Variants in SPAG16 observed in about 807,000 individuals in gnomAD.
SPAG16 encodes the protein sperm-associated antigen 16 protein.
In SPAG16, 86 loss-of-function variants were observed where a neutral mutation model predicts 80.4. The ratio of observed to expected loss-of-function variants is 1.07; its 90% CI spans 0.90 to 1.28. SPAG16 has a LOEUF of 1.28. Among genes scored for constraint, SPAG16 ranks in the 50% most tolerant of loss-of-function variants. The pLI is 0.00. For missense variants in SPAG16, 870 were observed against 765.3 expected, an observed-to-expected ratio of 1.14 and a Z score of -1.61; for synonymous variants, 294 against 265.9, an observed-to-expected ratio of 1.11 and a Z score of -1.03.
At position 213,745,258 on chromosome 2, in the gene SPAG16, T is replaced by C. The variant is rs2067764451; in HGVS notation, c.1071-117227T>C. Among the ~76,000 whole-genome samples, 4 of 152,326 alleles carry C rather than the reference T, an allele frequency of 2.6e-5. No individual in the cohort carries two copies. In the South Asian group the frequency reaches 8.3e-4, roughly 32 times the overall value. ...TATGTAGCTATTTATTTTTTTTCTT[T>C]TGAGATGAAGTTTTGTTCTTGTTGC... On this transcript the variant is annotated intron_variant, in intron 10 of 15. Transcript: ENST00000331683.
At chr2:213,788,960 A>G (rs530106714) in intron 10 of SPAG16, among the ~76,000 whole-genome samples, 1 of 151,984 alleles carries the variant, frequency 6.6e-6, no homozygotes, top group South Asian at 2.1e-4. Context: ...CTCTGTTTTT[A>G]TAGCATCATT....
intron 10 of SPAG16, among the ~76,000 whole-genome samples, chr2:213,840,316 G>A (rs1276013007): frequency 6.6e-6 from 1 of 152,138 alleles, no homozygotes; most frequent in Non-Finnish European, 1.5e-5. Context: ...ATACTGTTCA[G>A]TTAGCTGGAT....
chr2:214,139,743 C>T (rs762633094), intron 14 of SPAG16, among the ~76,000 whole-genome samples: 1 of 152,118 alleles, frequency 6.6e-6, no homozygotes, highest in Non-Finnish European at 1.5e-5. Flanking sequence ...GCCTACACGC[C>T]TTAACATCTT....
At position 213,992,319 on chromosome 2, in the gene SPAG16, C is replaced by G. The variant is rs1027257688; in HGVS notation, c.1401-21632C>G. On this transcript the variant is annotated intron_variant, in intron 12 of 15. Transcript: ENST00000331683. ...GAATTTGAATTTCCTAGACAGTACA[C>G]CTTAACTGTTTGCATTTATGGTCGT... Among the ~76,000 whole-genome samples, 8 of 152,074 alleles carry G rather than the reference C, an allele frequency of 5.3e-5. No individual in the cohort carries two copies. The East Asian group carries it at 5.8e-4, about 11-fold the overall frequency.
intron 13 of SPAG16, among the ~76,000 whole-genome samples, chr2:214,045,897 CA>C (rs2049294032): frequency 6.6e-6 from 1 of 151,666 alleles, no homozygotes; most frequent in African/African-American, 2.4e-5. Flanking sequence ...GAAAGGAATA[CA>C]AAAGATCAAT....
intron 14 of SPAG16, among the ~76,000 whole-genome samples, chr2:214,116,142 C>A (rs964863917): frequency 3.3e-5 from 5 of 152,202 alleles, no homozygotes; most frequent in African/African-American, 1.2e-4. Context: ...TGGCCTTAAA[C>A]CTGTGCCAAA....
intron 13 of SPAG16, among the ~76,000 whole-genome samples, chr2:214,021,852 A>G (rs1291722633): frequency 6.6e-6 from 1 of 152,168 alleles, no homozygotes; most frequent in African/African-American, 2.4e-5. Flanking sequence ...TATTAAATAC[A>G]TGATGTCCTA....
intron 10 of SPAG16, among the ~76,000 whole-genome samples, chr2:213,759,933 G>A (rs950891358): frequency 1.1e-4 from 17 of 152,058 alleles, no homozygotes; most frequent in African/African-American, 4.1e-4. Context: ...TACTCATGAG[G>A]CTGAGGGAGG....
rs111490594 is a variant in SPAG16 at position 213,579,026 on chromosome 2, C to T, written c.1070+88936C>T. On this transcript the variant is annotated intron_variant, in intron 10 of 15. Transcript: ENST00000331683. ...CATTGTTTTAAGATAATACAGTAGC[C>T]GAATCAGTGTTATATTGTGTAAATT... Among the ~76,000 whole-genome samples, 242 of 151,992 alleles carry T rather than the reference C, an allele frequency of 1.6e-3. 3 individuals are homozygous for T. Among genetic ancestry groups the T allele is most frequent in the African/African-American group, 4.7e-3 (195 of 41,476 alleles).
Position 213,372,875 on chromosome 2 carries a change from T to C in SPAG16, c.833-2135T>C, listed in dbSNP as rs1242105200. 3.3e-5 allele frequency among the ~76,000 whole-genome samples: 5 copies of C among 152,168 alleles called. No homozygotes were observed. In the East Asian group the frequency reaches 9.6e-4, roughly 29 times the overall value. On this transcript the variant is annotated intron_variant, in intron 8 of 15. Transcript: ENST00000331683. ...TGTTAAATTATGGTATTTATGTCTTTCTGATATTTATCCAAGAGCCTGAAC... is the reference window on the plus strand; with the variant it reads ...TGTTAAATTATGGTATTTATGTCTTCCTGATATTTATCCAAGAGCCTGAAC...
intron 10 of SPAG16, among the ~76,000 whole-genome samples, chr2:213,587,258 G>T (rs2060505813): frequency 1.3e-5 from 2 of 152,142 alleles, no homozygotes; most frequent in South Asian, 4.1e-4. Context: ...CCACAACTTT[G>T]CTGGGTACAG....
chr2:214,107,691 T>G (rs897255786), intron 13 of SPAG16, among the ~76,000 whole-genome samples: 20 of 152,186 alleles, frequency 1.3e-4, no homozygotes, highest in Admixed American at 1.3e-4. Context: ...TATTTAAAAA[T>G]GCCACTGTAT....
chr2:213,549,603 A>G (rs185698603), intron 10 of SPAG16, among the ~76,000 whole-genome samples: 74 of 152,296 alleles, frequency 4.9e-4, no homozygotes, highest in Admixed American at 8.5e-4. Flanking sequence ...TGTTAGTCCA[A>G]CATTCTCCAT....
In SPAG16 at chr2:213,974,291, G is replaced by A. The variant is rs547430624; in HGVS notation, c.1401-39660G>A. 3.7e-4 allele frequency among the ~76,000 whole-genome samples: 56 copies of A among 152,100 alleles called. No homozygotes were observed. The Middle Eastern group carries it at 0.01, about 28-fold the overall frequency. On this transcript the variant is annotated intron_variant, in intron 12 of 15. Coordinates refer to ENST00000331683, the MANE Select transcript of SPAG16 (RefSeq NM_024532.5). ...TTAGTTTGGCAGTGATGGGTAGAAT[G>A]CATTGAGCCTACAAAATGTATATTA...
intron 10 of SPAG16, among the ~76,000 whole-genome samples, chr2:213,821,296 G>A (rs747096569): frequency 6.6e-5 from 10 of 151,996 alleles, no homozygotes; most frequent in Non-Finnish European, 1.2e-4. Flanking sequence ...GGCAGTTTAC[G>A]TTGACAAAAT....
chr2:214,052,270 C>G (rs940326015), intron 13 of SPAG16, among the ~76,000 whole-genome samples: 1 of 152,188 alleles, frequency 6.6e-6, no homozygotes, highest in Non-Finnish European at 1.5e-5. Context: ...GGACAAGGAG[C>G]TTGGTGACCC....
At chr2:214,290,559 T>G (rs1693724041) in intron 15 of SPAG16, among the ~76,000 whole-genome samples, 1 of 152,150 alleles carries the variant, frequency 6.6e-6, no homozygotes, top group Non-Finnish European at 1.5e-5. Context: ...CTCCCACAAG[T>G]TTGGGTATTT....
At chr2:213,478,904 T>C (rs1355759692) in intron 9 of SPAG16, among the ~76,000 whole-genome samples, 1 of 152,134 alleles carries the variant, frequency 6.6e-6, no homozygotes, top group Non-Finnish European at 1.5e-5. Flanking sequence ...ATACATTTAA[T>C]GAGTTATAAA....
chr2:213,304,135 A>G (rs1019028474), intron 3 of SPAG16, among the ~76,000 whole-genome samples: 17 of 152,098 alleles, frequency 1.1e-4, no homozygotes, highest in African/African-American at 1.9e-4. Context: ...CTGATGATCA[A>G]TGATATTGAG....
Sources: gnomAD v4.1 joint callset for allele counts (sites outside exome capture counted in the v4.1 genomes callset) on GRCh38, gnomAD v4.1.1 for gene constraint, MANE v1.5 for transcripts, NCBI Gene and HGNC (gene_info 2026-07-23, HGNC 2026-07-21) for gene names.